Variants in DAB2IP observed in about 807,000 individuals in gnomAD.
DAB2IP encodes the protein disabled homolog 2-interacting protein.
A neutral mutation model predicts 107.2 loss-of-function variants in DAB2IP; 28 were observed. The observed-to-expected ratio is 0.26, with a 90% CI of 0.19 to 0.36. DAB2IP has a LOEUF of 0.36. Among genes scored for constraint, DAB2IP ranks in the 10% least tolerant of loss-of-function variants. The pLI is 1.00. For synonymous variants in DAB2IP, 755 were observed against 706.4 expected (o/e 1.07, Z -1.09); for missense variants, 1,400 against 1,644.7 (o/e 0.85, Z 2.57).
chr9:121,692,862 C>T (rs1045963988), intron 2 of DAB2IP, among the ~76,000 whole-genome samples: 6 of 152,148 alleles, frequency 3.9e-5, no homozygotes, highest in South Asian at 2.1e-4. Context: ...GGGTAGAGAC[C>T]GGGGAACAGG....
chr9:121,659,605 A>G (rs1409107684), intron 1 of DAB2IP, among the ~76,000 whole-genome samples: 1 of 152,156 alleles, frequency 6.6e-6, no homozygotes, highest in Non-Finnish European at 1.5e-5. Context: ...CATCCTGGCT[A>G]ACACGGTGAA....
At chr9:121,641,927 T>TTCTTTCTTTC (rs1348862727) in intron 1 of DAB2IP, among the ~76,000 whole-genome samples, 3 of 144,592 alleles carry the variant, frequency 2.1e-5, no homozygotes, top group Admixed American at 2.1e-4. Context: ...CTTTCTTTCT[T>TTCTTTCTTTC]TCTTTCTTTC....
At chr9:121,730,012 AG>A (rs1345944668) in intron 3 of DAB2IP, among the ~76,000 whole-genome samples, 9 of 152,076 alleles carry the variant, frequency 5.9e-5, no homozygotes, top group Non-Finnish European at 1.5e-5. Flanking sequence ...TGGGGCCCAG[AG>A]GGGACCAGCT....
chr9:121,612,290 G>A (rs1336049860), intron 1 of DAB2IP, among the ~76,000 whole-genome samples: 1 of 151,938 alleles, frequency 6.6e-6, no homozygotes, highest in Non-Finnish European at 1.5e-5. Flanking sequence ...TCGTACCACT[G>A]CACTCCCACT....
exon 2 of DAB2IP, chr9:121,678,764 A>G (rs1828410492): frequency 1.3e-6 from 2 of 1,595,348 alleles, no homozygotes; most frequent in East Asian, 4.6e-5. Context: ...CTCGGCCGCC[A>G]CGCCGTTCCG....
chr9:121,763,915 C>T (rs200491251), intron 8 of DAB2IP, 36 bp downstream of exon 8: 34 of 1,606,016 alleles, frequency 2.1e-5, no homozygotes, highest in Admixed American at 1.0e-4. Context: ...ACCCTGTCGC[C>T]TTCCCCATCC....
intron 1 of DAB2IP, among the ~76,000 whole-genome samples, chr9:121,568,097 C>T (rs1829850714): frequency 6.6e-6 from 1 of 152,200 alleles, no homozygotes; most frequent in South Asian, 2.1e-4. Context: ...CTCATCCCAG[C>T]TTGGGTCAGG....
intron 1 of DAB2IP, among the ~76,000 whole-genome samples, chr9:121,602,733 G>T (rs957786643): frequency 1.3e-5 from 2 of 151,746 alleles, no homozygotes; most frequent in African/African-American, 2.4e-5. Context: ...CCGCCACCAC[G>T]CCCGGCTAAT....
intron 3 of DAB2IP, among the ~76,000 whole-genome samples, chr9:121,754,798 A>C (rs757386818): frequency 3.4e-4 from 52 of 152,120 alleles, no homozygotes; most frequent in Non-Finnish European, 6.8e-4. Flanking sequence ...GGGCAGGCCC[A>C]GCCTGCTGAA....
intron 3 of DAB2IP, chr9:121,751,750 T>C (rs920605667): frequency 1.2e-5 from 2 of 163,436 alleles, no homozygotes; most frequent in Non-Finnish European, 2.6e-5. Context: ...AGTGAGGCCA[T>C]GCCAGGCGGA....
chr9:121,766,233 C>T (rs746562555), intron 8 of DAB2IP, among the ~76,000 whole-genome samples: 1 of 152,220 alleles, frequency 6.6e-6, no homozygotes, highest in African/African-American at 2.4e-5. Flanking sequence ...CCCATCCCAC[C>T]TGCCCGGCCC....
In DAB2IP at chr9:121,782,443, C is replaced by A; in HGVS notation, c.3515C>A (p.Pro1172His). 6.2e-7 allele frequency: 1 copy of A among 1,614,100 alleles called. No individual in the cohort carries two copies. Among genetic ancestry groups the A allele is most frequent in the Non-Finnish European group, 8.5e-7 (1 of 1,179,968 alleles). ...CGTAACGGCATCTCCCCCACCAACCCCACCAAATTGCAGATTACTGAGAAC... is the reference window on the plus strand; with the variant it reads ...CGTAACGGCATCTCCCCCACCAACCACACCAAATTGCAGATTACTGAGAAC... Residue 1172 changes from proline (P) to histidine (H), a missense_variant, in exon 16 of 16, where the codon CCC (proline) becomes CAC (histidine). Coordinates refer to ENST00000408936, the Ensembl canonical transcript of DAB2IP. The surrounding 1 kb of genome is among the most constrained non-coding windows in gnomAD (Gnocchi z 6.1).
At chr9:121,660,986 G>A (rs1393633961) in intron 1 of DAB2IP, among the ~76,000 whole-genome samples, 3 of 152,272 alleles carry the variant, frequency 2.0e-5, no homozygotes, top group South Asian at 2.1e-4. Flanking sequence ...TCCAGGGGTC[G>A]TCCTTACAGC....
At chr9:121,716,332 C>T (rs1189899558) in intron 3 of DAB2IP, among the ~76,000 whole-genome samples, 1 of 152,232 alleles carries the variant, frequency 6.6e-6, no homozygotes, top group Non-Finnish European at 1.5e-5. Context: ...CAGCTGAACC[C>T]CAGGTGAGGC....
rs1831958925 is a variant in DAB2IP, at chr9:121,633,234, C to T, written c.41-45444C>T. ...GACATGAACAATACAATAAACGCAG[C>T]TTCTAAATTGGGTCAGGGAAGCCTT... On this transcript the variant is annotated intron_variant, in intron 1 of 16. Coordinates refer to the DAB2IP transcript ENST00000259371. This position sits in a 1 kb window ranked among gnomAD's most constrained non-coding sequence, Gnocchi z 5.1. Among the ~76,000 whole-genome samples, 1 of 152,188 alleles carries T rather than the reference C, an allele frequency of 6.6e-6. No homozygotes were observed.
At chr9:121,572,488 C>G (rs1157419446) in intron 1 of DAB2IP, among the ~76,000 whole-genome samples, 1 of 152,150 alleles carries the variant, frequency 6.6e-6, no homozygotes, top group Non-Finnish European at 1.5e-5. Context: ...TAACTTGCTC[C>G]GCATCCTTAG....
chr9:121,737,630 C>T (rs1047996015), intron 3 of DAB2IP: 5 of 985,314 alleles, frequency 5.1e-6, no homozygotes, highest in Non-Finnish European at 4.8e-6. Context: ...TGGCCATCTT[C>T]GGAAGCCAGA....
In DAB2IP at chr9:121,736,549, G is replaced by C. The variant is rs1031340512; in HGVS notation, c.363-20464G>C. On this transcript the variant is annotated intron_variant, in intron 3 of 15. Transcript: ENST00000408936. The surrounding 1 kb of genome is among the most constrained non-coding windows in gnomAD (Gnocchi z 4.6). ...CTGGGCCTACTGCTGTGGGGTGGGGGGCGGGTGGGAGGGCCCGGAGGGCTG... is the reference window on the plus strand; with the variant it reads ...CTGGGCCTACTGCTGTGGGGTGGGGCGCGGGTGGGAGGGCCCGGAGGGCTG... 6.6e-6 allele frequency among the ~76,000 whole-genome samples: 1 copy of C among 151,114 alleles called. No homozygotes were observed. The highest frequency in any genetic ancestry group is 2.4e-5 in the African/African-American group (1 of 41,244).
At chr9:121,778,424 C>T (rs565840425) in intron 14 of DAB2IP, among the ~76,000 whole-genome samples, 2 of 152,116 alleles carry the variant, frequency 1.3e-5, no homozygotes, top group East Asian at 3.8e-4. Context: ...GTCTTGCTTT[C>T]GTCTAAATGG....
Sources: gnomAD v4.1 joint callset for allele counts (sites outside exome capture counted in the v4.1 genomes callset) on GRCh38, gnomAD v4.1.1 for gene constraint, Gnocchi (gnomAD v3.1) non-coding constraint, MANE v1.5 for transcripts, NCBI Gene and HGNC (gene_info 2026-07-23, HGNC 2026-07-21) for gene names.